TEX11: variants seen among roughly 807,000 people sequenced by gnomAD.
The protein encoded by TEX11 is testis expressed 11.
In TEX11, 7 loss-of-function variants were observed where a neutral mutation model predicts 84.4. That is an observed-to-expected ratio of 0.08 (90% CI 0.05 to 0.16). TEX11 has a LOEUF of 0.16. Ranked by LOEUF, TEX11 falls within the 10% of genes least tolerant of loss-of-function variation. TEX11 has a pLI of 1.00. For missense variants in TEX11, 551 were observed against 660.5 expected (o/e 0.83, Z 1.82); for synonymous variants, 264 against 222.8 (o/e 1.18, Z -1.64).
At chrX:70,881,627 G>A (rs150492403) in intron 2 of TEX11, among the ~76,000 whole-genome samples, 1,561 of 110,923 alleles carry the variant, frequency 0.014, 18 homozygotes, top group African/African-American at 0.046. Context: ...AATGCTTGAG[G>A]TGATGGATAT....
chrX:70,860,872 A>T lies in TEX11; in HGVS notation c.309T>A (p.Ile103=), dbSNP rs1232461158. Residue 103 remains isoleucine, a synonymous_variant, in exon 5 of 30, where the codon ATT becomes ATA. Transcript: ENST00000374333. ...CEASFASEQS[I]QRLIMMNMRI... ...TAAGACTTACCATAATCAGTCGTTG[A>T]ATACTTTGTTCTGAGGCAAATGAGG... 1.7e-6 allele frequency: 2 copies of T among 1,194,091 alleles called. No homozygotes were observed. Among genetic ancestry groups the T allele is most frequent in the Non-Finnish European group, 2.3e-6 (2 of 885,527 alleles).
chrX:70,898,666 C>T (rs188036094), intron 2 of TEX11, among the ~76,000 whole-genome samples: 4 of 106,583 alleles, frequency 3.8e-5, no homozygotes, highest in East Asian at 5.9e-4. Flanking sequence ...AGTGCAGTGG[C>T]GCAATCTCAG....
At chrX:70,701,489 T>A (rs1190708115) in intron 13 of TEX11, among the ~76,000 whole-genome samples, 7 of 112,062 alleles carry the variant, frequency 6.2e-5, no homozygotes, top group African/African-American at 2.3e-4. Context: ...AAGAAAAGAT[T>A]ACTGCTCGTT....
chrX:70,787,636 G>A lies in TEX11; in HGVS notation c.692+19069C>T, dbSNP rs771699409. Among the ~76,000 whole-genome samples, 6 of 111,102 alleles carry A rather than the reference G, an allele frequency of 5.4e-5. No individual in the cohort carries two copies. In the South Asian group the frequency reaches 2.3e-3, roughly 42 times the overall value. ...GAGCCACTGCACCCGGCCCCCTCTT[G>A]CCATTTCGATCCAACATAATATTGG... On this transcript the variant is annotated intron_variant, in intron 9 of 29. Coordinates refer to ENST00000374333, the MANE Select transcript of TEX11 (RefSeq NM_031276.3).
intron 10 of TEX11, among the ~76,000 whole-genome samples, chrX:70,741,564 T>C (rs1159215436): frequency 9.0e-6 from 1 of 111,616 alleles, no homozygotes; most frequent in Non-Finnish European, 1.9e-5. Context: ...ACTTGAGACT[T>C]GTGAAGTTTA....
At chrX:70,614,913 A>G (rs1343870431) in intron 20 of TEX11, among the ~76,000 whole-genome samples, 1 of 111,263 alleles carries the variant, frequency 9.0e-6, no homozygotes, top group Non-Finnish European at 1.9e-5. Context: ...TTGGTAATCT[A>G]GAGAATTCTT....
intron 9 of TEX11, among the ~76,000 whole-genome samples, chrX:70,790,316 C>G (rs1370864563): frequency 1.8e-5 from 2 of 111,563 alleles, no homozygotes. Context: ...CAGACACTGA[C>G]TTGGAAGAGG....
intron 25 of TEX11, among the ~76,000 whole-genome samples, chrX:70,564,945 G>A (rs752924367): frequency 0.027 from 2,990 of 108,773 alleles, 113 homozygotes; most frequent in African/African-American, 0.094. Flanking sequence ...GGGTCAAATG[G>A]TATTTCTAGT....
chrX:70,648,977 C>T (rs184624339), intron 17 of TEX11, among the ~76,000 whole-genome samples: 44 of 110,229 alleles, frequency 4.0e-4, no homozygotes, highest in Non-Finnish European at 7.6e-4. Context: ...GTTTGGTTTT[C>T]GGTTCCTGCA....
At chrX:70,671,101 T>C (rs1042364666) in intron 15 of TEX11, among the ~76,000 whole-genome samples, 2 of 111,976 alleles carry the variant, frequency 1.8e-5, no homozygotes, top group African/African-American at 3.2e-5. Context: ...TTAGTGAATT[T>C]GCAGGGTTTT....
At chrX:70,715,543 A>G (rs1447868571) in intron 13 of TEX11, among the ~76,000 whole-genome samples, 6 of 110,591 alleles carry the variant, frequency 5.4e-5, no homozygotes, top group Admixed American at 9.6e-5. Flanking sequence ...CATTCATTTG[A>G]TCTTCCACTA....
chrX:70,843,937 G>T (rs1602176253), intron 7 of TEX11, among the ~76,000 whole-genome samples: 1 of 111,319 alleles, frequency 9.0e-6, no homozygotes, highest in East Asian at 2.8e-4. Context: ...AGTTAGAATG[G>T]CATCATTAAA....
chrX:70,519,912 A>G, the TEX11 span, among the ~76,000 whole-genome samples: 1 of 111,826 alleles, frequency 8.9e-6, no homozygotes, highest in Non-Finnish European at 1.9e-5. Flanking sequence ...CAAATTGGCT[A>G]CTGAAGCTTG....
intron 9 of TEX11, among the ~76,000 whole-genome samples, chrX:70,764,539 A>T (rs2090927823): frequency 1.8e-5 from 2 of 111,803 alleles, no homozygotes; most frequent in Non-Finnish European, 3.8e-5. Context: ...TGAAACAAAA[A>T]TGCGGTTTTT....
At chrX:70,832,352 A>G (rs1242530029) in intron 8 of TEX11, among the ~76,000 whole-genome samples, 1 of 112,200 alleles carries the variant, frequency 8.9e-6, no homozygotes, top group Non-Finnish European at 1.9e-5. Flanking sequence ...ACCATTTTCT[A>G]TATAGAACAT....
intron 25 of TEX11, among the ~76,000 whole-genome samples, chrX:70,580,579 A>G (rs773406260): frequency 1.4e-3 from 159 of 112,561 alleles, no homozygotes; most frequent in Middle Eastern, 4.6e-3. Context: ...CTTATAATGT[A>G]CCTACAAAAA....
chrX:70,891,225 G>A (rs2147880698), intron 2 of TEX11, among the ~76,000 whole-genome samples: 1 of 111,553 alleles, frequency 9.0e-6, no homozygotes, highest in South Asian at 3.8e-4. Flanking sequence ...CCCATTTGTA[G>A]GTCACCAACA....
chrX:70,652,646 T>C (rs2089823078), intron 16 of TEX11, among the ~76,000 whole-genome samples: 1 of 111,849 alleles, frequency 8.9e-6, no homozygotes. Flanking sequence ...GTGAAGTTAG[T>C]AGGAAACAGA....
Position 70,906,243 on chromosome X carries a change from T to G in TEX11, c.37+1510A>C, listed in dbSNP as rs372146083. Among the ~76,000 whole-genome samples, 23 of 104,137 alleles carry G rather than the reference T, an allele frequency of 2.2e-4. No homozygotes were observed. In the East Asian group the frequency reaches 4.1e-3, roughly 19 times the overall value. The allele number at this position is 104,137 out of a possible 115,157, so 90.4% of individuals were successfully genotyped here. ...AAGAAAAATGGTACATGTAATCTTT[T>G]AGTTCTTTGAAATATCTGAAGCATA... On this transcript the variant is annotated intron_variant, in intron 2 of 29. Transcript: ENST00000374333.
Sources: gnomAD v4.1 joint callset for allele counts (sites outside exome capture counted in the v4.1 genomes callset) on GRCh38, gnomAD v4.1.1 for gene constraint, MANE v1.5 for transcripts, NCBI Gene and HGNC (gene_info 2026-07-23, HGNC 2026-07-21) for gene names.